Variants in MAGI1 observed in about 807,000 individuals in gnomAD.
MAGI1 encodes membrane-associated guanylate kinase, WW and PDZ domain-containing protein 1.
Under a neutral mutation model 139.9 loss-of-function variants are expected in MAGI1, and 58 were observed. The observed-to-expected ratio is 0.41, with a 90% confidence interval of 0.34 to 0.52. The LOEUF (loss-of-function observed/expected upper bound fraction) is 0.52. Among genes scored for constraint, MAGI1 ranks in the 20% least tolerant of loss-of-function variants. The pLI is 0.12. For missense variants in MAGI1, 1,874 were observed against 1,901.6 expected (o/e 0.99, Z 0.27); for synonymous variants, 812 against 737.9 (o/e 1.10, Z -1.63).
intron 2 of MAGI1, among the ~76,000 whole-genome samples, chr3:65,506,726 G>C (rs926173457): frequency 6.6e-6 from 1 of 152,076 alleles, no homozygotes; most frequent in Admixed American, 6.5e-5. Context: ...CTAATTCCAT[G>C]TTAACCATGT....
intron 1 of MAGI1, among the ~76,000 whole-genome samples, chr3:65,707,277 C>T (rs1405947293): frequency 1.3e-5 from 2 of 152,178 alleles, no homozygotes; most frequent in Admixed American, 6.5e-5. Flanking sequence ...AGGGTTGATG[C>T]TATGCCACAT....
intron 1 of MAGI1, among the ~76,000 whole-genome samples, chr3:65,734,503 AAG>A (rs1201377041): frequency 2.6e-4 from 25 of 95,480 alleles, no homozygotes; most frequent in African/African-American, 1.2e-3. Context: ...GAGAAAGAGG[AAG>A]AGAGAGAAAG....
In MAGI1 at chr3:65,603,239, T is replaced by C. The variant is rs1159154863; in HGVS notation, c.430+18733A>G. The stretch of plus-strand genomic sequence containing the variant: ...CCAAACACAAATACTTTCCATACTG[T>C]TTATTATATATTTTCTACAGGTTCA... On this transcript the variant is annotated intron_variant, in intron 2 of 22. Coordinates refer to ENST00000402939, the MANE Select transcript of MAGI1 (RefSeq NM_001033057.2). Among the ~76,000 whole-genome samples, 6 of 152,156 alleles carry C rather than the reference T, an allele frequency of 3.9e-5. No homozygotes were observed. In the East Asian group the frequency reaches 1.2e-3, roughly 29 times the overall value.
rs148695537 is a variant in MAGI1, at chr3:65,961,706, G to A, written c.313+76290C>T. On this transcript the variant is annotated intron_variant, in intron 1 of 22. Transcript: ENST00000402939. ...GAAAACAGGGTTCCTTGTATTCAGC[G>A]CAGTCAGGAGGTGAACTGATATCAA... is the stretch of plus-strand genomic sequence containing the variant. Among the ~76,000 whole-genome samples, 507 of 152,280 alleles carry A rather than the reference G, an allele frequency of 3.3e-3. 2 individuals carry two copies. The highest frequency in any genetic ancestry group is 0.011 in the African/African-American group (474 of 41,550).
chr3:65,880,073 C>T (rs1451061701), intron 1 of MAGI1, among the ~76,000 whole-genome samples: 1 of 152,160 alleles, frequency 6.6e-6, no homozygotes, highest in Non-Finnish European at 1.5e-5. Context: ...GAAACCCAGT[C>T]TCTACTAAAA....
intron 1 of MAGI1, among the ~76,000 whole-genome samples, chr3:65,736,232 C>T (rs1396041676): frequency 6.6e-6 from 1 of 152,154 alleles, no homozygotes; most frequent in Admixed American, 6.5e-5. Flanking sequence ...AAGAAAAGTT[C>T]CCAGCAAAAG....
At chr3:65,359,199 A>C in intron 22 of MAGI1, 1 of 1,602,792 alleles carries the variant, frequency 6.2e-7, no homozygotes, top group Non-Finnish European at 8.5e-7. Context: ...AGAGAAGGAG[A>C]AAGAGAGAAA....
chr3:65,707,689 CAAAAAAAAAA>C (rs57489811), intron 1 of MAGI1, among the ~76,000 whole-genome samples: 1 of 88,148 alleles, frequency 1.1e-5, no homozygotes, highest in East Asian at 4.0e-4. Flanking sequence ...TACCCTATCT[CAAAAAAAAAA>C]AAAAAAAAAA....
chr3:65,511,898 G>T (rs1199120212), intron 2 of MAGI1, among the ~76,000 whole-genome samples: 1 of 110,558 alleles, frequency 9.0e-6, no homozygotes, highest in Non-Finnish European at 1.8e-5. Flanking sequence ...TGACCACATA[G>T]TTGGAAGTAA....
intron 1 of MAGI1, among the ~76,000 whole-genome samples, chr3:65,733,093 A>C (rs1169609691): frequency 6.6e-6 from 1 of 151,598 alleles, no homozygotes; most frequent in African/African-American, 2.4e-5. Flanking sequence ...TTTTGCTCCC[A>C]AGCTGGAGTG....
At chr3:65,472,147 A>C (rs1189127634) in intron 4 of MAGI1, among the ~76,000 whole-genome samples, 1 of 152,206 alleles carries the variant, frequency 6.6e-6, no homozygotes, top group Non-Finnish European at 1.5e-5. Context: ...AAGGGAACAG[A>C]AAGGAATTAG....
At chr3:65,996,972 T>G (rs2066484349) in intron 1 of MAGI1, among the ~76,000 whole-genome samples, 1 of 152,232 alleles carries the variant, frequency 6.6e-6, no homozygotes. Context: ...CTATTCCCAA[T>G]TTTCTCACAG....
chr3:65,480,351 G>A (rs931555988), intron 3 of MAGI1, among the ~76,000 whole-genome samples: 2 of 151,770 alleles, frequency 1.3e-5, no homozygotes, highest in Non-Finnish European at 2.9e-5. Flanking sequence ...TGGGCAACAT[G>A]GTAAAATCCT....
At chr3:65,825,674 C>A (rs1310179672) in intron 1 of MAGI1, among the ~76,000 whole-genome samples, 4 of 152,186 alleles carry the variant, frequency 2.6e-5, no homozygotes, top group Non-Finnish European at 4.4e-5. Flanking sequence ...AAGGTGTCAA[C>A]AGTATTTTTA....
chr3:65,691,081 T>C (rs139765665), intron 1 of MAGI1, among the ~76,000 whole-genome samples: 34 of 151,914 alleles, frequency 2.2e-4, no homozygotes, highest in African/African-American at 8.0e-4. Flanking sequence ...GGCAGGCGGA[T>C]CACAAGGTCA....
At chr3:65,786,698 GC>G (rs2039416859) in intron 1 of MAGI1, among the ~76,000 whole-genome samples, 1 of 147,972 alleles carries the variant, frequency 6.8e-6, no homozygotes, top group Admixed American at 6.9e-5. Context: ...TGCAAGCTCT[GC>G]CTCCCGGGTT....
intron 1 of MAGI1, among the ~76,000 whole-genome samples, chr3:65,662,424 T>G (rs2086252018): frequency 6.6e-6 from 1 of 152,224 alleles, no homozygotes; most frequent in Admixed American, 6.5e-5. Flanking sequence ...TCTGCCACTT[T>G]GTGTGAATGC....
intron 1 of MAGI1, among the ~76,000 whole-genome samples, chr3:65,786,792 T>G (rs867175322): frequency 1.2e-4 from 19 of 152,058 alleles, no homozygotes; most frequent in Middle Eastern, 3.4e-3. Flanking sequence ...TGTTTTTGTA[T>G]TTTTAGTAGA....
Position 65,424,387 on chromosome 3 carries a change from AG to A in MAGI1, c.2167+5132del, listed in dbSNP as rs1263407723. Among the ~76,000 whole-genome samples the A allele has an allele frequency of 2.6e-5, 4 of 152,338 alleles. No homozygotes were observed. In the East Asian group the frequency reaches 7.7e-4, roughly 29 times the overall value. ...GACCTTATCACTTGCCAGGTTCCCC[AG>A]GAAGTGCCAGAGACACAAGAGTAAG... On this transcript the variant is annotated intron_variant, in intron 12 of 22. Coordinates refer to ENST00000402939, the MANE Select transcript of MAGI1 (RefSeq NM_001033057.2).
Sources: allele counts gnomAD v4.1 joint callset (sites outside exome capture counted in the v4.1 genomes callset), GRCh38; gene constraint gnomAD v4.1.1; transcripts MANE v1.5; gene names NCBI Gene and HGNC (gene_info 2026-07-23, HGNC 2026-07-21).